TSHZ2: variants seen among roughly 807,000 people sequenced by gnomAD.
TSHZ2 encodes the protein teashirt homolog 2.
A neutral mutation model predicts 74.4 loss-of-function variants in TSHZ2; 21 were observed. That is an observed-to-expected ratio of 0.28 (90% CI 0.20 to 0.41). The LOEUF (loss-of-function observed/expected upper bound fraction) is 0.41, where lower values mean the gene tolerates loss of function less well. Among genes scored for constraint, TSHZ2 ranks in the 10% least tolerant of loss-of-function variants. TSHZ2 has a pLI of 1.00. For synonymous variants in TSHZ2, 540 were observed against 515.3 expected (o/e 1.05, Z -0.65); for missense variants, 1,244 against 1,293.5 (o/e 0.96, Z 0.59).
At chr20:53,364,339 T>C (rs1050712693) in intron 2 of TSHZ2, among the ~76,000 whole-genome samples, 7 of 152,188 alleles carry the variant, frequency 4.6e-5, no homozygotes, top group African/African-American at 1.4e-4. Context: ...AAGCTCTCCA[T>C]ATTTTTAAGA....
intron 1 of TSHZ2, among the ~76,000 whole-genome samples, chr20:52,994,318 A>G (rs1982092552): frequency 6.6e-6 from 1 of 152,124 alleles, no homozygotes; most frequent in Non-Finnish European, 1.5e-5. Flanking sequence ...GGAAAAATAG[A>G]CGGGTGAATG....
intron 2 of TSHZ2, among the ~76,000 whole-genome samples, chr20:53,310,353 T>C (rs1978727376): frequency 6.6e-6 from 1 of 152,222 alleles, no homozygotes; most frequent in Non-Finnish European, 1.5e-5. Context: ...CTTGAAACAG[T>C]CTTAGATGTG....
intron 2 of TSHZ2, among the ~76,000 whole-genome samples, chr20:53,345,766 A>C (rs1600821891): frequency 1.7e-5 from 2 of 114,954 alleles, no homozygotes; most frequent in African/African-American, 3.5e-5. Flanking sequence ...TGTAATCCTC[A>C]CCCCTCATTT....
chr20:53,105,883 A>C (rs576563024), intron 1 of TSHZ2, among the ~76,000 whole-genome samples: 197 of 152,274 alleles, frequency 1.3e-3, no homozygotes, highest in African/African-American at 4.6e-3. Context: ...TCCTGGGCTC[A>C]AACAATCTGC....
intron 1 of TSHZ2, among the ~76,000 whole-genome samples, chr20:53,207,521 A>G (rs1218935148): frequency 6.6e-6 from 1 of 152,042 alleles, no homozygotes; most frequent in Non-Finnish European, 1.5e-5. Context: ...CCTGGCTCTC[A>G]CTTGTAGGGA....
intron 2 of TSHZ2, among the ~76,000 whole-genome samples, chr20:53,373,407 A>G (rs552688388): frequency 6.6e-5 from 10 of 152,176 alleles, no homozygotes; most frequent in Non-Finnish European, 1.2e-4. Flanking sequence ...TTTTAATTCT[A>G]TCATTTGCAT....
intron 1 of TSHZ2, among the ~76,000 whole-genome samples, chr20:53,204,929 A>G (rs6123260): frequency 0.045 from 6,783 of 151,882 alleles, 415 homozygotes; most frequent in East Asian, 0.3. Flanking sequence ...AAAATACAAA[A>G]AAAGAAAAAA....
chr20:53,280,956 G>C (rs1454056130), intron 2 of TSHZ2, among the ~76,000 whole-genome samples: 1 of 152,176 alleles, frequency 6.6e-6, no homozygotes, highest in African/African-American at 2.4e-5. Context: ...CTCCCAAAAT[G>C]CTGGGATTAC....
intron 2 of TSHZ2, among the ~76,000 whole-genome samples, chr20:53,471,014 A>G (rs1249271596): frequency 1.3e-5 from 2 of 152,098 alleles, no homozygotes; most frequent in Non-Finnish European, 2.9e-5. Flanking sequence ...TTCAAAAGAG[A>G]ATGTATATGA....
At chr20:53,409,198 C>A (rs1452243677) in intron 2 of TSHZ2, among the ~76,000 whole-genome samples, 2 of 151,848 alleles carry the variant, frequency 1.3e-5, no homozygotes, top group Admixed American at 6.6e-5. Context: ...TACAAAAGGC[C>A]CAACAAATGG....
At chr20:53,003,536 G>T (rs1422705633) in intron 1 of TSHZ2, among the ~76,000 whole-genome samples, 1 of 152,168 alleles carries the variant, frequency 6.6e-6, no homozygotes, top group Non-Finnish European at 1.5e-5. Flanking sequence ...CCTTCCAGAA[G>T]AGTTTCTTCA....
chr20:52,981,533 T>C (rs1246107597), intron 1 of TSHZ2, among the ~76,000 whole-genome samples: 1 of 152,084 alleles, frequency 6.6e-6, no homozygotes, highest in African/African-American at 2.4e-5. Flanking sequence ...AACCAGACTA[T>C]GGAAAATTTA....
chr20:53,164,374 C>T (rs1323849188), intron 1 of TSHZ2, among the ~76,000 whole-genome samples: 2 of 151,512 alleles, frequency 1.3e-5, no homozygotes, highest in Non-Finnish European at 2.9e-5. Context: ...CAAAATATTT[C>T]ATAGTTTACA....
At chr20:53,295,068 T>A (rs1277633079) in intron 2 of TSHZ2, among the ~76,000 whole-genome samples, 1 of 152,242 alleles carries the variant, frequency 6.6e-6, no homozygotes, top group Non-Finnish European at 1.5e-5. Context: ...CATTTCTGCC[T>A]AGTCATTGGT....
At chr20:53,110,362 C>T (rs1266151269) in intron 1 of TSHZ2, among the ~76,000 whole-genome samples, 4 of 152,020 alleles carry the variant, frequency 2.6e-5, no homozygotes, top group African/African-American at 4.8e-5. Flanking sequence ...AGACTTTCTC[C>T]GGCCCTCTCT....
Position 53,463,535 on chromosome 20 carries a change from T to C in TSHZ2, c.*9-23609T>C, listed in dbSNP as rs1985466738. Among the ~76,000 whole-genome samples the C allele has an allele frequency of 1.3e-5, 2 of 152,150 alleles. 1 individual carries two copies. The highest frequency in any genetic ancestry group is 4.1e-4 in the South Asian group (2 of 4,828). ...GAATGTCGTAGAATTATAGAAGTTATGTGTTCTACCATGTCTCTGAAAGAA... is the reference window on the plus strand; with the variant it reads ...GAATGTCGTAGAATTATAGAAGTTACGTGTTCTACCATGTCTCTGAAAGAA... On this transcript the variant is annotated intron_variant, in intron 2 of 2. Transcript: ENST00000371497.
In TSHZ2 at chr20:53,190,838, T is replaced by C. The variant is rs1016893505; in HGVS notation, c.41-62661T>C. 5.9e-5 allele frequency among the ~76,000 whole-genome samples: 9 copies of C among 152,302 alleles called. No homozygotes were observed. In the South Asian group the frequency reaches 1.9e-3, roughly 32 times the overall value. On this transcript the variant is annotated intron_variant, in intron 1 of 2. Transcript: ENST00000371497. ...ATAAAACAAAAAGTGGGCATCACCC[T>C]ACCGAGGGCAGAATTTCTACTGAGC...
At chr20:53,328,627 A>C (rs574090863) in intron 2 of TSHZ2, among the ~76,000 whole-genome samples, 2 of 152,354 alleles carry the variant, frequency 1.3e-5, no homozygotes, top group African/African-American at 4.8e-5. Flanking sequence ...ATGAGGAATT[A>C]GCATCTTTCT....
chr20:53,091,765 G>C (rs1009978427), intron 1 of TSHZ2, among the ~76,000 whole-genome samples: 1 of 152,136 alleles, frequency 6.6e-6, no homozygotes, highest in African/African-American at 2.4e-5. Context: ...CTTCTGGTCA[G>C]CCTCAGTGGC....
Sources: gnomAD v4.1 joint callset for allele counts (sites outside exome capture counted in the v4.1 genomes callset) on GRCh38, gnomAD v4.1.1 for gene constraint, MANE v1.5 for transcripts, NCBI Gene and HGNC (gene_info 2026-07-23, HGNC 2026-07-21) for gene names.